Variants in PRKCA observed in about 807,000 individuals in gnomAD.
PRKCA encodes protein kinase C alpha, also known as protein kinase C alpha type.
A neutral mutation model predicts 87.0 loss-of-function variants in PRKCA; 27 were observed. The ratio of observed to expected loss-of-function variants is 0.31; its 90% CI spans 0.23 to 0.43. The LOEUF (loss-of-function observed/expected upper bound fraction) is 0.43, where lower values mean the gene tolerates loss of function less well. Ranked by LOEUF, PRKCA falls within the 20% of genes least tolerant of loss-of-function variation. The probability of loss-of-function intolerance (pLI) is 1.00; values close to 1 mark genes in which losing one functional copy is unlikely to be tolerated. For synonymous variants in PRKCA, 329 were observed against 311.1 expected (o/e 1.06, Z -0.61); for missense variants, 518 against 852.3 (o/e 0.61, Z 4.88).
chr17:66,503,592 C>A (rs1311838333), intron 3 of PRKCA, among the ~76,000 whole-genome samples: 1 of 152,106 alleles, frequency 6.6e-6, no homozygotes, highest in African/African-American at 2.4e-5. Context: ...TGCTACAAAC[C>A]AAAAGTGATA....
intron 2 of PRKCA, among the ~76,000 whole-genome samples, chr17:66,458,946 A>G (rs980626513): frequency 6.6e-6 from 1 of 152,202 alleles, no homozygotes; most frequent in Non-Finnish European, 1.5e-5. Context: ...GGTGCATGTT[A>G]TCCCCATTTT....
chr17:66,594,924 T>A (rs989439190), intron 3 of PRKCA, among the ~76,000 whole-genome samples: 2 of 152,200 alleles, frequency 1.3e-5, no homozygotes, highest in African/African-American at 4.8e-5. Flanking sequence ...CCATAACAAA[T>A]TGCCACATTT....
At chr17:66,705,516 T>G (rs1426069599) in intron 8 of PRKCA, among the ~76,000 whole-genome samples, 1 of 152,240 alleles carries the variant, frequency 6.6e-6, no homozygotes, top group African/African-American at 2.4e-5. Flanking sequence ...TGCATTCTAG[T>G]TGTCTGTCTA....
chr17:66,495,118 C>A (rs1916414682), intron 2 of PRKCA, among the ~76,000 whole-genome samples: 1 of 130,230 alleles, frequency 7.7e-6, no homozygotes, highest in Non-Finnish European at 1.7e-5. Flanking sequence ...AAAAAAAAAA[C>A]TCTTAGGGGA....
Position 66,735,531 on chromosome 17 carries a change from A to C in PRKCA, c.1099A>C (p.Ile367Leu), listed in dbSNP as rs1974003651. The C allele has an allele frequency of 1.2e-6, 2 of 1,614,166 alleles. No homozygotes were observed. The highest frequency in any genetic ancestry group is 1.7e-6 in the Non-Finnish European group (2 of 1,180,036). The change falls in exon 10 of 17, where the codon ATC (isoleucine) becomes CTC (leucine). Residue 367 changes from isoleucine (I) to leucine (L), a missense_variant. Physicochemically the swap from Ile to Leu is conservative, Grantham distance 5 (BLOSUM62 2). This residue lies in a region of PRKCA where 300 missense variants were observed against 496.8 expected (regional missense o/e 0.60). Coordinates refer to ENST00000413366, the MANE Select transcript of PRKCA (RefSeq NM_002737.3). The stretch of plus-strand genomic sequence containing the variant: ...GAAGGGCACAGAAGAACTGTATGCA[A>C]TCAAAATCCTGAAGAAGGATGTGGT... ...DRKGTEELYA[I>L]KILKKDVVIQ...
In PRKCA at chr17:66,565,010, A is replaced by G. The variant is rs1968843481; in HGVS notation, c.288+68727A>G. On this transcript the variant is annotated intron_variant, in intron 3 of 16. Transcript: ENST00000413366. ...AACAATCACCACCACCACCACCACA[A>G]CAAGAAACACACACCAGTGGCCCAG... 1.3e-5 allele frequency among the ~76,000 whole-genome samples: 2 copies of G among 152,084 alleles called. 1 individual carries two copies. Among genetic ancestry groups the G allele is most frequent in the South Asian group, 4.1e-4 (2 of 4,820 alleles).
intron 3 of PRKCA, among the ~76,000 whole-genome samples, chr17:66,514,347 A>G (rs1966892644): frequency 6.6e-6 from 1 of 152,156 alleles, no homozygotes. Flanking sequence ...AGAATGCTAC[A>G]TGAATGAAAC....
intron 2 of PRKCA, among the ~76,000 whole-genome samples, chr17:66,368,350 G>A (rs1291767860): frequency 6.7e-5 from 8 of 118,556 alleles, no homozygotes; most frequent in African/African-American, 2.5e-4. Flanking sequence ...GTGTGTGTGT[G>A]TGTGTGTGTA....
intron 2 of PRKCA, among the ~76,000 whole-genome samples, chr17:66,349,657 T>A (rs890397245): frequency 6.6e-6 from 1 of 152,166 alleles, no homozygotes; most frequent in African/African-American, 2.4e-5. Flanking sequence ...CCTTTAGTTG[T>A]CCAGGTCCTG....
At chr17:66,645,691 C>A (rs61762402) in intron 5 of PRKCA, among the ~76,000 whole-genome samples, 180 bp downstream of exon 5, 36 of 152,280 alleles carry the variant, frequency 2.4e-4, no homozygotes, top group African/African-American at 7.2e-4. Flanking sequence ...GGTTAATACA[C>A]CTCCCAGGAG....
chr17:66,511,756 C>G (rs1033646942), intron 3 of PRKCA, among the ~76,000 whole-genome samples: 1 of 151,568 alleles, frequency 6.6e-6, no homozygotes, highest in Non-Finnish European at 1.5e-5. Flanking sequence ...TCTTGGCTCA[C>G]TGCAACCTCT....
intron 2 of PRKCA, among the ~76,000 whole-genome samples, chr17:66,389,038 G>A (rs4566205): frequency 0.79 from 120,461 of 152,090 alleles, 48,201 homozygotes; most frequent in South Asian, 0.87. Context: ...TTCAACCCTT[G>A]ATGGGAACAT....
Position 66,688,906 on chromosome 17 carries a change from T to C in PRKCA, c.822-45T>C, listed in dbSNP as rs538226263. 2.2e-5 allele frequency: 28 copies of C among 1,263,784 alleles called. No homozygotes were observed. In the South Asian group the frequency reaches 3.3e-4, roughly 15 times the overall value. 78.3% of individuals were successfully genotyped at this position (1,263,784 alleles called of 1,614,324 possible). ...CTCGACTAGAGGCTGCAGGAAAGGC[T>C]TGTTAAACTTGCGGTGGTAACTCTT... On this transcript the variant is annotated intron_variant, in intron 7 of 16. Transcript: ENST00000413366.
chr17:66,749,003 C>T (rs372489907), intron 13 of PRKCA, among the ~76,000 whole-genome samples: 58 of 151,708 alleles, frequency 3.8e-4, no homozygotes, highest in African/African-American at 1.3e-3. Flanking sequence ...GACACCAGGA[C>T]GGGCGGGTAT....
chr17:66,411,242 C>CTTTTT (rs11296687), intron 2 of PRKCA, among the ~76,000 whole-genome samples: 1 of 136,962 alleles, frequency 7.3e-6, no homozygotes, highest in Non-Finnish European at 1.5e-5. Flanking sequence ...CAACATCTGG[C>CTTTTT]TTTTTTTTTT....
Position 66,499,148 on chromosome 17 carries a change from AT to A in PRKCA, c.288+2874del, listed in dbSNP as rs34998543. On this transcript the variant is annotated intron_variant, in intron 3 of 16. Transcript: ENST00000413366. ...TGTCCTAAAGATAAAGATTCCTATG[AT>A]TTTTTTTTAATGCCTTGGATGTGGA... Among the ~76,000 whole-genome samples, 478 of 151,032 alleles carry A rather than the reference AT, an allele frequency of 3.2e-3. 3 individuals carry two copies. The highest frequency in any genetic ancestry group is 0.011 in the African/African-American group (447 of 41,158).
intron 2 of PRKCA, among the ~76,000 whole-genome samples, chr17:66,462,705 T>A (rs1914905844): frequency 1.3e-5 from 2 of 152,142 alleles, no homozygotes; most frequent in Non-Finnish European, 1.5e-5. Context: ...AGAGGCAATT[T>A]ACAAAAACAC....
Position 66,302,912 on chromosome 17 carries a change from G to A in PRKCA, c.61G>A (p.Ala21Thr). The A allele has an allele frequency of 1.9e-6, 3 of 1,612,264 alleles. No individual in the cohort carries two copies. The African/African-American group carries it at 4.0e-5, about 22-fold the overall frequency. ...TASQDVANRFARKGALRQKNV... is the reference protein window; with the variant it reads ...TASQDVANRFTRKGALRQKNV... Reference sequence around the variant, plus strand: ...GTCTCAGGACGTGGCCAACCGCTTCGCCCGCAAAGGGGCGCTGAGGCAGAA... The same window carrying A: ...GTCTCAGGACGTGGCCAACCGCTTCACCCGCAAAGGGGCGCTGAGGCAGAA... Residue 21 changes from alanine (A) to threonine (T), a missense_variant, in exon 1 of 17, where the codon GCC becomes ACC. Transcript: ENST00000413366.
At chr17:66,673,511 T>C (rs1972248209) in intron 5 of PRKCA, among the ~76,000 whole-genome samples, 1 of 152,218 alleles carries the variant, frequency 6.6e-6, no homozygotes, top group Non-Finnish European at 1.5e-5. Context: ...CTCATTATTC[T>C]TGCCTTTGTC....
Sources: gnomAD v4.1 joint callset for allele counts (sites outside exome capture counted in the v4.1 genomes callset) on GRCh38, gnomAD v4.1.1 for gene constraint, gnomAD v4.1.1 regional missense constraint, MANE v1.5 for transcripts, NCBI Gene and HGNC (gene_info 2026-07-23, HGNC 2026-07-21) for gene names.